Variants in CASZ1 observed in about 807,000 individuals in gnomAD.
CASZ1 encodes the protein castor zinc finger 1.
A neutral mutation model predicts 135.2 loss-of-function variants in CASZ1; 28 were observed. The observed-to-expected ratio is 0.21, with a 90% CI of 0.15 to 0.28. The LOEUF is 0.28. Among genes scored for constraint, CASZ1 ranks in the 10% least tolerant of loss-of-function variants. The probability of loss-of-function intolerance (pLI) is 1.00; values close to 1 mark genes in which losing one functional copy is unlikely to be tolerated. For missense variants in CASZ1, 2,161 were observed against 2,453.3 expected, an observed-to-expected ratio of 0.88 and a Z score of 2.52; for synonymous variants, 1,068 against 1,073.4, an observed-to-expected ratio of 0.99 and a Z score of 0.10.
chr1:10,672,058 C>T (rs1159831130), intron 4 of CASZ1, among the ~76,000 whole-genome samples: 1 of 152,174 alleles, frequency 6.6e-6, no homozygotes, highest in Non-Finnish European at 1.5e-5. Flanking sequence ...CAAGGCAGCC[C>T]GAGGTGGGGG....
intron 8 of CASZ1, 148 bp from the exon 9 acceptor site, chr1:10,655,961 G>A: frequency 1.4e-6 from 1 of 719,550 alleles, no homozygotes; most frequent in African/African-American, 1.8e-5. Flanking sequence ...GATTGTCCAA[G>A]GCCAGTGGCA....
Position 10,645,008 on chromosome 1 carries a change from G to T in CASZ1, c.3777C>A (p.Leu1259=), listed in dbSNP as rs1557458444. 3 of 1,613,982 alleles carry T rather than the reference G, an allele frequency of 1.9e-6. No homozygotes were observed. Among genetic ancestry groups the T allele is most frequent in the African/African-American group, 2.7e-5 (2 of 74,954 alleles). Residue 1259 remains leucine, a synonymous_variant, in exon 18 of 21, where the codon CTC becomes CTA. Transcript: ENST00000377022. ...TCTCATGCTTCTTGATGTGCCAGGG[G>T]AGCTTGGTGGTGATGTTGGTCACAA... is the stretch of plus-strand genomic sequence containing the variant. ...CYFVTNITTK[L]PWHIKKHEKA... is the part of the protein sequence containing the mutation.
intron 1 of CASZ1, among the ~76,000 whole-genome samples, chr1:10,769,740 C>G (rs1269507125): frequency 6.6e-6 from 1 of 152,206 alleles, no homozygotes; most frequent in African/African-American, 2.4e-5. Context: ...TGGTCTCAAA[C>G]TCCTGACCTC....
At chr1:10,683,471 C>T (rs959898769) in intron 4 of CASZ1, among the ~76,000 whole-genome samples, 1 of 152,182 alleles carries the variant, frequency 6.6e-6, no homozygotes, top group African/African-American at 2.4e-5. Flanking sequence ...AGTGGAGACA[C>T]CCACCGCAGA....
At chr1:10,770,343 C>T (rs1396621467) in intron 1 of CASZ1, among the ~76,000 whole-genome samples, 1 of 152,152 alleles carries the variant, frequency 6.6e-6, no homozygotes, top group Non-Finnish European at 1.5e-5. Context: ...CTTCAGCCTC[C>T]CAAAGTGCTG....
rs183948065 is a variant in CASZ1, at chr1:10,757,656, C to T, written c.-77+3045G>A. 4.1e-4 allele frequency among the ~76,000 whole-genome samples: 63 copies of T among 152,212 alleles called. No homozygotes were observed. Among genetic ancestry groups the T allele is most frequent in the Non-Finnish European group, 3.8e-4 (26 of 68,000 alleles). Reference sequence around the variant, plus strand: ...CACTAAAATTAGCCAGGCATGGTGGCGCTTGCCTATAATCCCAGCCACTCG... The same window carrying T: ...CACTAAAATTAGCCAGGCATGGTGGTGCTTGCCTATAATCCCAGCCACTCG... On this transcript the variant is annotated intron_variant, in intron 2 of 20. Transcript: ENST00000377022. The surrounding 1 kb of genome is among the most constrained non-coding windows in gnomAD (Gnocchi z 4.6).
At chr1:10,664,017 G>C (rs1181862663) in intron 5 of CASZ1, among the ~76,000 whole-genome samples, 1 of 152,214 alleles carries the variant, frequency 6.6e-6, no homozygotes, top group African/African-American at 2.4e-5. Context: ...GTCTGGCAAC[G>C]GCAAGGGCTT....
At position 10,643,252 on chromosome 1, in the gene CASZ1, A is replaced by T. The variant is rs1456206277; in HGVS notation, c.3928T>A (p.Ser1310Thr). ...GTCATCTGGTGCTTGAGGAGGAAGG[A>T]GAACTGGCAGCCCTCCCGGATGCAG... is the stretch of plus-strand genomic sequence containing the variant. ...FHCIREGCQF[S>T]FLLKHQMTSH... Residue 1310 changes from serine to threonine, a missense_variant, in exon 19 of 21, where the codon TCC becomes ACC. Ser to Thr is a moderately conservative substitution (Grantham distance 58, BLOSUM62 1). Around this residue, in one of 7 missense-constraint regions of CASZ1, gnomAD observed 349 missense variants for 460.8 expected, o/e 0.76. Transcript: ENST00000377022. 6.2e-7 allele frequency: 1 copy of T among 1,613,148 alleles called. No individual in the cohort carries two copies. Among genetic ancestry groups the T allele is most frequent in the Non-Finnish European group, 8.5e-7 (1 of 1,180,002 alleles).
Position 10,776,644 on chromosome 1 carries a change from T to C in CASZ1, c.-233-15787A>G, listed in dbSNP as rs903355516. On this transcript the variant is annotated intron_variant, in intron 1 of 20. Coordinates refer to ENST00000377022, the MANE Select transcript of CASZ1 (RefSeq NM_001079843.3). This position sits in a 1 kb window ranked among gnomAD's most constrained non-coding sequence, Gnocchi z 4.1. Reference sequence around the variant, plus strand: ...GGTACCAGCTAGGGGCGGGAGCTCCTGGGAGTCCTGGGGAAACTGGCATCT... The same window carrying C: ...GGTACCAGCTAGGGGCGGGAGCTCCCGGGAGTCCTGGGGAAACTGGCATCT... 5.3e-5 allele frequency among the ~76,000 whole-genome samples: 8 copies of C among 152,170 alleles called. No individual in the cohort carries two copies. Among genetic ancestry groups the C allele is most frequent in the Admixed American group, 3.9e-4 (6 of 15,278 alleles).
rs1396051131 is a variant in CASZ1, at chr1:10,711,725, A to G, written c.-76-6181T>C. ...GACATACAACATGGAGTCTGTCCAT[A>G]CTATTGAATATTATTCAGCTATAAA... On this transcript the variant is annotated intron_variant, in intron 2 of 20. Transcript: ENST00000377022. The surrounding 1 kb of genome is among the most constrained non-coding windows in gnomAD (Gnocchi z 4.4). Among the ~76,000 whole-genome samples, 3 of 152,220 alleles carry G rather than the reference A, an allele frequency of 2.0e-5. No individual in the cohort carries two copies. Among genetic ancestry groups the G allele is most frequent in the Non-Finnish European group, 4.4e-5 (3 of 68,048 alleles).
intron 2 of CASZ1, among the ~76,000 whole-genome samples, chr1:10,742,888 G>C (rs1033263891): frequency 1.3e-5 from 2 of 152,138 alleles, no homozygotes; most frequent in African/African-American, 4.8e-5. Flanking sequence ...GGGAGGCTGA[G>C]ATGGGAGAAT....
In CASZ1 at chr1:10,650,722, A is replaced by G; in HGVS notation, c.2850T>C (p.Asn950=). 6.2e-7 allele frequency: 1 copy of G among 1,614,146 alleles called. No individual in the cohort carries two copies. The highest frequency in any genetic ancestry group is 2.2e-5 in the East Asian group (1 of 44,872). The part of the protein sequence containing the change: ...NESNGHAVPA[N]SSLLSSLMNK... ...TCATAAGCGAGGATAAAAGAGATGAATTTGCCGGGACTGCGTGGCCATTTG... is the reference window on the plus strand; with the variant it reads ...TCATAAGCGAGGATAAAAGAGATGAGTTTGCCGGGACTGCGTGGCCATTTG... The change falls in exon 13 of 21, where the codon AAT becomes AAC. Residue 950 remains asparagine, a synonymous_variant. Transcript: ENST00000377022.
chr1:10,647,585 A>G lies in CASZ1; in HGVS notation c.3497+216T>C. 7.0e-7 allele frequency: 1 copy of G among 1,422,944 alleles called. No homozygotes were observed. The highest frequency in any genetic ancestry group is 9.2e-7 in the Non-Finnish European group (1 of 1,091,466). The allele number at this position is 1,422,944 out of a possible 1,614,324, so 88.1% of individuals were successfully genotyped here. On this transcript the variant is annotated intron_variant, in intron 16 of 20. Coordinates refer to ENST00000377022, the MANE Select transcript of CASZ1 (RefSeq NM_001079843.3). The surrounding 1 kb of genome is among the most constrained non-coding windows in gnomAD (Gnocchi z 4.9). Reference sequence around the variant, plus strand: ...AGGAGCAGTAGCCACTGCCGCCACCATCGGCCCACGCGGGCTGGCCTGCTC... The same window carrying G: ...AGGAGCAGTAGCCACTGCCGCCACCGTCGGCCCACGCGGGCTGGCCTGCTC...
At chr1:10,792,817 C>A (rs1640989165) in intron 1 of CASZ1, among the ~76,000 whole-genome samples, 1 of 151,634 alleles carries the variant, frequency 6.6e-6, no homozygotes, top group Non-Finnish European at 1.5e-5. Flanking sequence ...AAAAAGCAGG[C>A]AAAATTGAAC....
chr1:10,646,047 G>A lies in CASZ1; in HGVS notation c.3696+81C>T. 3 of 1,348,778 alleles carry A rather than the reference G, an allele frequency of 2.2e-6. No individual in the cohort carries two copies. The highest frequency in any genetic ancestry group is 3.2e-6 in the Non-Finnish European group (3 of 948,112). The allele number at this position is 1,348,778 out of a possible 1,614,324, so 83.6% of individuals were successfully genotyped here. On this transcript the variant is annotated intron_variant, in intron 17 of 20. Coordinates refer to ENST00000377022, the MANE Select transcript of CASZ1 (RefSeq NM_001079843.3). This position sits in a 1 kb window ranked among gnomAD's most constrained non-coding sequence, Gnocchi z 6.4. ...GTGAGAAATGGAGCCTCTGCCAGGA[G>A]GTGACTGTCCTGTGCCCTGAGCTAG...
chr1:10,787,008 G>C (rs1163265681), intron 1 of CASZ1, among the ~76,000 whole-genome samples: 1 of 152,190 alleles, frequency 6.6e-6, no homozygotes, highest in Non-Finnish European at 1.5e-5. Context: ...CGGCTCCCCT[G>C]ACCTTGGGGA....
chr1:10,753,479 C>T (rs928434296), intron 2 of CASZ1, among the ~76,000 whole-genome samples: 1 of 152,210 alleles, frequency 6.6e-6, no homozygotes, highest in African/African-American at 2.4e-5. Flanking sequence ...GGCTCATTTG[C>T]TGGGGCTTGG....
At chr1:10,643,354 G>A in intron 18 of CASZ1, 43 bp from the exon 19 acceptor site, 1 of 1,603,778 alleles carries the variant, frequency 6.2e-7, no homozygotes, top group South Asian at 1.1e-5. Flanking sequence ...CAGCTGGCCA[G>A]CGCTCATGGC....
Position 10,658,676 on chromosome 1 carries a change from TC to T in CASZ1, c.1341-101del. 6.9e-6 allele frequency: 5 copies of T among 727,552 alleles called. No homozygotes were observed. The South Asian group carries it at 9.8e-5, about 14-fold the overall frequency. 45.1% of individuals were successfully genotyped at this position (727,552 alleles called of 1,614,324 possible). A position where few individuals can be genotyped will look rare whatever the true frequency, so the allele number is the denominator to read the frequency against. On this transcript the variant is annotated intron_variant, in intron 6 of 20. Transcript: ENST00000377022. ...GCCCCTGCCCTGAGGCCCCAGCCCC[TC>T]TGCTCTGCTCTGCAGTGTCCGAGGC...
Sources: gnomAD v4.1 joint callset for allele counts (sites outside exome capture counted in the v4.1 genomes callset) on GRCh38, gnomAD v4.1.1 for gene constraint, gnomAD v4.1.1 regional missense constraint, Gnocchi (gnomAD v3.1) non-coding constraint, MANE v1.5 for transcripts, NCBI Gene and HGNC (gene_info 2026-07-23, HGNC 2026-07-21) for gene names.